The following ADAM22 variants were observed in gnomAD, a reference collection of about 807,000 sequenced individuals.
ADAM22 encodes ADAM metallopeptidase domain 22.
A neutral mutation model predicts 144.6 loss-of-function variants in ADAM22; 65 were observed. The ratio of observed to expected loss-of-function variants is 0.45; its 90% CI spans 0.37 to 0.55. The LOEUF (loss-of-function observed/expected upper bound fraction) is 0.55, where lower values mean the gene tolerates loss of function less well. Among genes scored for constraint, ADAM22 ranks in the 20% least tolerant of loss-of-function variants. ADAM22 has a pLI of 0.00. For synonymous variants in ADAM22, 391 were observed against 412.6 expected, an observed-to-expected ratio of 0.95 and a Z score of 0.63; for missense variants, 974 against 1,184.9, an observed-to-expected ratio of 0.82 and a Z score of 2.61.
intron 3 of ADAM22, among the ~76,000 whole-genome samples, chr7:87,986,191 T>G (rs1788440732): frequency 6.6e-6 from 1 of 152,230 alleles, no homozygotes; most frequent in African/African-American, 2.4e-5. Context: ...TTTCTTGTTC[T>G]TTAGCTGAAG....
chr7:88,026,757 A>G (rs991884618), intron 3 of ADAM22, among the ~76,000 whole-genome samples: 13 of 152,128 alleles, frequency 8.5e-5, no homozygotes, highest in African/African-American at 3.1e-4. Context: ...TTCCAGTACT[A>G]TGTTGAATAA....
intron 16 of ADAM22, 105 bp downstream of exon 16, chr7:88,145,301 G>A: frequency 6.7e-7 from 1 of 1,501,810 alleles, no homozygotes; most frequent in African/African-American, 1.4e-5. Context: ...AATTTTATAG[G>A]ATTTGTGGAA....
Position 88,021,607 on chromosome 7 carries a change from A to G in ADAM22, c.323+43195A>G, listed in dbSNP as rs1170895133. Among the ~76,000 whole-genome samples the G allele has an allele frequency of 3.9e-5, 6 of 152,328 alleles. No individual in the cohort carries two copies. The South Asian group carries it at 6.2e-4, about 16-fold the overall frequency. On this transcript the variant is annotated intron_variant, in intron 3 of 31. Coordinates refer to ENST00000413139, the MANE Select transcript of ADAM22 (RefSeq NM_001324418.2). ...GTAAAAATATATTGGCTGTTTTCAG[A>G]CAAGTAATTATAGCATTTTTTCTTC...
Position 87,994,175 on chromosome 7 carries a change from T to G in ADAM22, c.323+15763T>G, listed in dbSNP as rs1213827220. ...TAGTTACTGTCATTCCTTTTTTTTTTTTTTGAGACGGAGTCTTGCTCTGTC... is the reference window on the plus strand; with the variant it reads ...TAGTTACTGTCATTCCTTTTTTTTTGTTTTGAGACGGAGTCTTGCTCTGTC... On this transcript the variant is annotated intron_variant, in intron 3 of 31. Coordinates refer to ENST00000413139, the MANE Select transcript of ADAM22 (RefSeq NM_001324418.2). Among the ~76,000 whole-genome samples, 7 of 151,894 alleles carry G rather than the reference T, an allele frequency of 4.6e-5. No homozygotes were observed. The East Asian group carries it at 1.2e-3, about 25-fold the overall frequency.
chr7:88,048,220 A>T (rs1003399252), intron 3 of ADAM22, among the ~76,000 whole-genome samples: 1 of 152,180 alleles, frequency 6.6e-6, no homozygotes, highest in Non-Finnish European at 1.5e-5. Flanking sequence ...ATAGTTACAT[A>T]GTATGCCAGT....
chr7:87,966,721 G>GTTTTT (rs71120012), intron 2 of ADAM22, among the ~76,000 whole-genome samples: 6,894 of 39,894 alleles, frequency 0.17, 2,255 homozygotes, highest in Non-Finnish European at 0.2. Context: ...AAGGAAAGCC[G>GTTTTT]TTTTTTTTTT....
chr7:88,078,087 A>AC (rs893992016), intron 4 of ADAM22, among the ~76,000 whole-genome samples: 3 of 152,066 alleles, frequency 2.0e-5, no homozygotes, highest in African/African-American at 7.2e-5. Context: ...ACTGGGAGGC[A>AC]CCCCCCAGTA....
At chr7:87,955,258 T>A (rs1413215099) in intron 2 of ADAM22, among the ~76,000 whole-genome samples, 1 of 152,192 alleles carries the variant, frequency 6.6e-6, no homozygotes. Flanking sequence ...TCCCCATTTT[T>A]GTGGTTTTAT....
At chr7:88,039,977 C>T (rs1192257491) in intron 3 of ADAM22, among the ~76,000 whole-genome samples, 1 of 151,870 alleles carries the variant, frequency 6.6e-6, no homozygotes, top group Non-Finnish European at 1.5e-5. Context: ...GTCCTTTTCA[C>T]TCTCCCACTC....
intron 3 of ADAM22, among the ~76,000 whole-genome samples, chr7:88,031,217 TTGG>T (rs1800194152): frequency 6.6e-6 from 1 of 152,056 alleles, no homozygotes. Flanking sequence ...ATACAGAAAA[TTGG>T]TACCAGGAGT....
intron 3 of ADAM22, among the ~76,000 whole-genome samples, chr7:88,010,295 A>G (rs1334420643): frequency 6.6e-6 from 1 of 152,114 alleles, no homozygotes. Context: ...TTGTTTATGA[A>G]TTTGCTTTAA....
intron 7 of ADAM22, among the ~76,000 whole-genome samples, chr7:88,124,826 C>A (rs1434048769): frequency 1.3e-5 from 2 of 151,950 alleles, no homozygotes; most frequent in Non-Finnish European, 2.9e-5. Flanking sequence ...ATTTCTCTGA[C>A]CATGCTTATT....
intron 4 of ADAM22, among the ~76,000 whole-genome samples, chr7:88,083,173 C>T (rs1022317206): frequency 1.4e-4 from 21 of 152,098 alleles, no homozygotes; most frequent in African/African-American, 4.3e-4. Context: ...AAATGATGAG[C>T]TCATGTCCTT....
intron 12 of ADAM22, among the ~76,000 whole-genome samples, chr7:88,134,095 G>T (rs940225205): frequency 6.6e-6 from 1 of 152,168 alleles, no homozygotes; most frequent in Non-Finnish European, 1.5e-5. Flanking sequence ...CCCAAAAGCT[G>T]TGATTATTTC....
At chr7:88,096,642 G>A (rs1274512379) in intron 4 of ADAM22, among the ~76,000 whole-genome samples, 1 of 151,722 alleles carries the variant, frequency 6.6e-6, no homozygotes. Flanking sequence ...CTTTGTTGTT[G>A]GTTTTAAATT....
chr7:87,963,955 C>A (rs1218632433), intron 2 of ADAM22, among the ~76,000 whole-genome samples: 3 of 152,132 alleles, frequency 2.0e-5, no homozygotes, highest in African/African-American at 7.2e-5. Context: ...GGCTGTAAAA[C>A]TAATTAGATA....
At chr7:87,980,760 G>T (rs1226745061) in intron 3 of ADAM22, among the ~76,000 whole-genome samples, 1 of 152,218 alleles carries the variant, frequency 6.6e-6, no homozygotes, top group East Asian at 1.9e-4. Context: ...ATATGGAAAG[G>T]TTAAAAATGA....
chr7:88,028,545 G>A (rs1380280415), intron 3 of ADAM22, among the ~76,000 whole-genome samples: 1 of 152,036 alleles, frequency 6.6e-6, no homozygotes, highest in African/African-American at 2.4e-5. Context: ...TTGATTTTCT[G>A]TCTGGATGAT....
At chr7:87,978,483 T>C in intron 3 of ADAM22, 71 bp downstream of exon 3, 2 of 1,353,202 alleles carry the variant, frequency 1.5e-6, no homozygotes, top group Admixed American at 1.9e-5. Context: ...TTGTAAAGTT[T>C]TTTCTTACTA....
Sources: gnomAD v4.1 joint callset for allele counts (sites outside exome capture counted in the v4.1 genomes callset) on GRCh38, gnomAD v4.1.1 for gene constraint, MANE v1.5 for transcripts, NCBI Gene and HGNC (gene_info 2026-07-23, HGNC 2026-07-21) for gene names.